AAK1: variants seen among roughly 807,000 people sequenced by gnomAD.
The protein encoded by AAK1 is AP2 associated kinase 1, also known as AP2-associated protein kinase 1.
In AAK1, 37 loss-of-function variants were observed where a neutral mutation model predicts 116.0. The ratio of observed to expected loss-of-function variants is 0.32; its 90% CI spans 0.25 to 0.42. The LOEUF is 0.42. AAK1 is among the 10% of genes least tolerant of loss of function. The pLI is 1.00. For missense variants in AAK1, 919 were observed against 1,170.6 expected, an observed-to-expected ratio of 0.79 and a Z score of 3.14; for synonymous variants, 458 against 439.9, an observed-to-expected ratio of 1.04 and a Z score of -0.51.
At chr2:69,564,203 A>G (rs1671771009) in intron 2 of AAK1, among the ~76,000 whole-genome samples, 1 of 151,806 alleles carries the variant, frequency 6.6e-6, no homozygotes, top group Non-Finnish European at 1.5e-5. Context: ...AAAAAAAAAG[A>G]AAAAAGAAAA....
chr2:69,475,267 G>T lies in AAK1; in HGVS notation c.*602C>A. ...CTATGATCAAACAAGGTCAAAGTTGGTTGGCTAGAGCTGGGCTCAATTTCT... is the reference window on the plus strand; with the variant it reads ...CTATGATCAAACAAGGTCAAAGTTGTTTGGCTAGAGCTGGGCTCAATTTCT... On this transcript the variant is annotated 3_prime_UTR_variant, in exon 22 of 22. Transcript: ENST00000409085. 1.0e-6 allele frequency: 1 copy of T among 985,886 alleles called. No homozygotes were observed. Among genetic ancestry groups the T allele is most frequent in the Non-Finnish European group, 1.2e-6 (1 of 830,008 alleles). 61.1% of individuals were successfully genotyped at this position (985,886 alleles called of 1,614,324 possible). A position where few individuals can be genotyped will look rare whatever the true frequency, so the allele number is the denominator to read the frequency against.
At chr2:69,514,420 G>T in intron 13 of AAK1, 51 bp downstream of exon 13, 1 of 1,472,218 alleles carries the variant, frequency 6.8e-7, no homozygotes, top group East Asian at 2.5e-5. Context: ...CCTAGCTCTC[G>T]CTGCACATTC....
At position 69,642,801 on chromosome 2, in the gene AAK1, C is replaced by T; in HGVS notation, c.163+77G>A. On this transcript the variant is annotated intron_variant, in intron 2 of 21. Coordinates refer to ENST00000409085, the MANE Select transcript of AAK1 (RefSeq NM_014911.5). ...GTCAACTGGTCAAAGCCCATTCATA[C>T]ATGCAACAACTAGAAACCACAGTAT... 3.1e-6 allele frequency: 5 copies of T among 1,591,788 alleles called. No individual in the cohort carries two copies. The Admixed American group carries it at 5.1e-5, about 16-fold the overall frequency.
At chr2:69,481,026 A>C in intron 18 of AAK1, 65 bp from the exon 19 acceptor site, 1 of 1,288,746 alleles carries the variant, frequency 7.8e-7, no homozygotes. Context: ...TTTCTTTAGG[A>C]AATTCTGTGA....
chr2:69,579,182 C>T (rs953795975), intron 2 of AAK1, among the ~76,000 whole-genome samples: 1 of 152,192 alleles, frequency 6.6e-6, no homozygotes, highest in Admixed American at 6.5e-5. Context: ...AGATTCTGCC[C>T]TCTCCAAGGC....
At chr2:69,543,136 G>C (rs890397612) in intron 4 of AAK1, among the ~76,000 whole-genome samples, 5 of 152,144 alleles carry the variant, frequency 3.3e-5, no homozygotes, top group African/African-American at 9.7e-5. Context: ...ACTGCTTACT[G>C]CTTGGCTTGC....
chr2:69,587,364 C>T (rs75728644), intron 2 of AAK1, among the ~76,000 whole-genome samples: 5,722 of 118,296 alleles, frequency 0.048, 330 homozygotes, highest in African/African-American at 0.19. Context: ...TACACATATG[C>T]GTGTACACAC....
intron 17 of AAK1, among the ~76,000 whole-genome samples, chr2:69,488,959 C>G (rs1675410811): frequency 6.6e-6 from 1 of 151,970 alleles, no homozygotes; most frequent in Non-Finnish European, 1.5e-5. Context: ...CTACCTCAGC[C>G]TCCAAGTAAC....
intron 2 of AAK1, among the ~76,000 whole-genome samples, chr2:69,607,712 T>C (rs1310328956): frequency 6.6e-6 from 1 of 152,156 alleles, no homozygotes; most frequent in Non-Finnish European, 1.5e-5. Context: ...AGAGTAATGA[T>C]ACAAGAGAAA....
At chr2:69,592,756 G>A (rs995291577) in intron 2 of AAK1, among the ~76,000 whole-genome samples, 3 of 152,112 alleles carry the variant, frequency 2.0e-5, no homozygotes, top group African/African-American at 7.2e-5. Context: ...TCACAGATTT[G>A]GCTTATGATA....
intron 2 of AAK1, among the ~76,000 whole-genome samples, chr2:69,574,602 G>A (rs1033093680): frequency 6.6e-6 from 1 of 151,086 alleles, no homozygotes; most frequent in South Asian, 2.1e-4. Flanking sequence ...ATAAGAGAGA[G>A]AGAGAGATAT....
At chr2:69,537,995 T>A (rs553389523) in intron 5 of AAK1, among the ~76,000 whole-genome samples, 1 of 152,342 alleles carries the variant, frequency 6.6e-6, no homozygotes, top group South Asian at 2.1e-4. Flanking sequence ...TCAATATTGA[T>A]GAAAACACAA....
At chr2:69,531,373 T>C (rs1433348955) in intron 6 of AAK1, among the ~76,000 whole-genome samples, 1 of 152,206 alleles carries the variant, frequency 6.6e-6, no homozygotes, top group Admixed American at 6.5e-5. Flanking sequence ...CGGGCATGGT[T>C]GTCTGGGGTG....
chr2:69,590,936 A>T (rs1673000652), intron 2 of AAK1, among the ~76,000 whole-genome samples: 1 of 152,250 alleles, frequency 6.6e-6, no homozygotes, highest in Non-Finnish European at 1.5e-5. Flanking sequence ...GAGAAAAAAT[A>T]TAAGCCTACA....
chr2:69,482,695 G>C lies in AAK1; in HGVS notation c.2467+16C>G, dbSNP rs766568243. ...CATATCATGCATGACTGAAGAAACA[G>C]AGATGATGACTTTACCAATTACAGC... On this transcript the variant is annotated intron_variant, in intron 18 of 21. Coordinates refer to ENST00000409085, the MANE Select transcript of AAK1 (RefSeq NM_014911.5). 1 of 1,574,120 alleles carries C rather than the reference G, an allele frequency of 6.4e-7. No homozygotes were observed. The highest frequency in any genetic ancestry group is 8.7e-7 in the Non-Finnish European group (1 of 1,143,870).
intron 2 of AAK1, among the ~76,000 whole-genome samples, chr2:69,596,101 T>G (rs1014764716): frequency 4.6e-5 from 7 of 152,188 alleles, no homozygotes; most frequent in Admixed American, 3.3e-4. Context: ...ATATTACTGC[T>G]CCTTGACAAT....
At chr2:69,557,455 C>T (rs913658352) in intron 2 of AAK1, among the ~76,000 whole-genome samples, 3 of 151,996 alleles carry the variant, frequency 2.0e-5, no homozygotes, top group African/African-American at 7.3e-5. Context: ...GTGTACACCA[C>T]CACTCCTGGC....
intron 13 of AAK1, among the ~76,000 whole-genome samples, chr2:69,514,232 T>C (rs1030761859): frequency 1.3e-5 from 2 of 152,170 alleles, no homozygotes; most frequent in Admixed American, 6.5e-5. Context: ...TTCAGAGTGA[T>C]AAAAATTAAG....
At chr2:69,544,356 T>C (rs967190631) in intron 4 of AAK1, 80 bp downstream of exon 4, 1 of 1,108,406 alleles carries the variant, frequency 9.0e-7, no homozygotes, top group East Asian at 2.4e-5. Context: ...GCAGTGCACA[T>C]TAAGTGAAAT....
Sources: gnomAD v4.1 joint callset for allele counts (sites outside exome capture counted in the v4.1 genomes callset) on GRCh38, gnomAD v4.1.1 for gene constraint, MANE v1.5 for transcripts, NCBI Gene and HGNC (gene_info 2026-07-23, HGNC 2026-07-21) for gene names.